Variants in AGAP1 observed in about 807,000 individuals in gnomAD.
The protein encoded by AGAP1 is ArfGAP with GTPase domain, ankyrin repeat and PH domain 1, also known as arf-GAP with GTPase, ANK repeat and PH domain-containing protein 1.
A neutral mutation model predicts 105.3 loss-of-function variants in AGAP1; 29 were observed. The ratio of observed to expected loss-of-function variants is 0.28; its 90% CI spans 0.21 to 0.38. AGAP1 has a LOEUF of 0.38. AGAP1 is among the 10% of genes least tolerant of loss of function. AGAP1 has a pLI of 1.00. For missense variants in AGAP1, 998 were observed against 1,165.1 expected, an observed-to-expected ratio of 0.86 and a Z score of 2.09; for synonymous variants, 509 against 485.9, an observed-to-expected ratio of 1.05 and a Z score of -0.63.
chr2:235,938,166 T>A (rs1314474467), intron 12 of AGAP1, among the ~76,000 whole-genome samples: 1 of 152,204 alleles, frequency 6.6e-6, no homozygotes, highest in African/African-American at 2.4e-5. Flanking sequence ...AACTCACTGC[T>A]TGCCAGGCAC....
At chr2:235,771,517 T>C (rs1462804848) in intron 6 of AGAP1, among the ~76,000 whole-genome samples, 4 of 152,162 alleles carry the variant, frequency 2.6e-5, no homozygotes, top group South Asian at 2.1e-4. Context: ...GACATGCCGG[T>C]CTCTGCCCTG....
chr2:235,758,319 T>C (rs1954108010), intron 6 of AGAP1, among the ~76,000 whole-genome samples: 1 of 152,200 alleles, frequency 6.6e-6, no homozygotes, highest in Non-Finnish European at 1.5e-5. Flanking sequence ...GACTAATAAT[T>C]ATGCAACAAT....
Position 235,805,665 on chromosome 2 carries a change from T to C in AGAP1, c.958-1574T>C, listed in dbSNP as rs186836493. On this transcript the variant is annotated intron_variant, in intron 8 of 17. Coordinates refer to ENST00000304032, the MANE Select transcript of AGAP1 (RefSeq NM_001037131.3). ...ATGTGGAGAAAAGAATTTAAGGCTA[T>C]TGTGTAGCTCTTACTATACAGTATT... Among the ~76,000 whole-genome samples, 970 of 152,350 alleles carry C rather than the reference T, an allele frequency of 6.4e-3. 20 individuals carry two copies. Among genetic ancestry groups the C allele is most frequent in the Admixed American group, 0.039 (596 of 15,306 alleles).
At chr2:236,112,532 G>T (rs1052338762) in intron 16 of AGAP1, among the ~76,000 whole-genome samples, 1 of 152,120 alleles carries the variant, frequency 6.6e-6, no homozygotes, top group Non-Finnish European at 1.5e-5. Flanking sequence ...CTCCTGATCT[G>T]TTCTTCACTC....
At chr2:235,952,194 T>C (rs2053766089) in intron 12 of AGAP1, among the ~76,000 whole-genome samples, 1 of 152,102 alleles carries the variant, frequency 6.6e-6, no homozygotes, top group Non-Finnish European at 1.5e-5. Flanking sequence ...ATATCTAGTT[T>C]TCAAGCAGAG....
At chr2:235,774,231 C>T (rs1170792504) in intron 6 of AGAP1, 2 of 411,838 alleles carry the variant, frequency 4.9e-6, no homozygotes, top group South Asian at 3.7e-5. Context: ...TAAAAATGCA[C>T]ATCTGGAAAA....
intron 9 of AGAP1, among the ~76,000 whole-genome samples, chr2:235,822,980 T>C (rs952608): frequency 0.29 from 43,970 of 152,010 alleles, 6,646 homozygotes; most frequent in Admixed American, 0.42. Flanking sequence ...GTGATCCAGG[T>C]GTGGCTCGCT....
At chr2:235,624,451 T>C (rs769886668) in intron 1 of AGAP1, among the ~76,000 whole-genome samples, 25 of 152,204 alleles carry the variant, frequency 1.6e-4, no homozygotes, top group Non-Finnish European at 3.1e-4. Context: ...TGTCCTTCAG[T>C]GGTTGGAATG....
chr2:235,734,980 G>A lies in AGAP1; in HGVS notation c.311-5983G>A, dbSNP rs62189248. ...GTCATAAGATGGGGTGAGGGCTAAC[G>A]GAGATGATGTGGGAAAACAAGTGCT... On this transcript the variant is annotated intron_variant, in intron 3 of 17. Transcript: ENST00000304032. This position sits in a 1 kb window ranked among gnomAD's most constrained non-coding sequence, Gnocchi z 5.3. 0.082 allele frequency among the ~76,000 whole-genome samples: 8,089 copies of A among 99,166 alleles called. 101 individuals are homozygous for A. The highest frequency in any genetic ancestry group is 0.12 in the Non-Finnish European group (4,687 of 38,372). 65.1% of individuals were successfully genotyped at this position (99,166 alleles called of 152,430 possible). A position where few individuals can be genotyped will look rare whatever the true frequency, so the allele number is the denominator to read the frequency against.
At chr2:235,892,304 C>G in intron 10 of AGAP1, among the ~76,000 whole-genome samples, 1 of 152,222 alleles carries the variant, frequency 6.6e-6, no homozygotes, top group East Asian at 1.9e-4. Flanking sequence ...AGCTTTTCTT[C>G]TTTTCATTAC....
chr2:236,116,576 T>G (rs922488464), intron 16 of AGAP1, among the ~76,000 whole-genome samples: 6 of 152,040 alleles, frequency 3.9e-5, no homozygotes, highest in African/African-American at 1.4e-4. Flanking sequence ...CTCAAACTCC[T>G]GACCTCAAGA....
chr2:235,697,754 G>A (rs1458322428), intron 1 of AGAP1, among the ~76,000 whole-genome samples: 3 of 152,196 alleles, frequency 2.0e-5, no homozygotes, highest in Non-Finnish European at 4.4e-5. Context: ...CAGTATGACT[G>A]ACTGAGTTTA....
In AGAP1 at chr2:235,494,734, G is replaced by C. The variant is rs1941233571; in HGVS notation, c.48G>C (p.Glu16Asp). ...QLANSAAIRA[E>D]IQRFESVHPN... ...CCAACTCGGCTGCCATCCGGGCCGAGATCCAGCGCTTCGAGTCGGTCCACC... is the reference window on the plus strand; with the variant it reads ...CCAACTCGGCTGCCATCCGGGCCGACATCCAGCGCTTCGAGTCGGTCCACC... The change falls in exon 1 of 18, where the codon GAG becomes GAC. Residue 16 changes from glutamate to aspartate, a missense_variant. Glu to Asp is a conservative substitution (Grantham distance 45). Transcript: ENST00000304032. 6.4e-7 allele frequency: 1 copy of C among 1,567,824 alleles called. No individual in the cohort carries two copies. Among genetic ancestry groups the C allele is most frequent in the Non-Finnish European group, 8.6e-7 (1 of 1,157,182 alleles).
At chr2:235,938,744 G>A (rs142721005) in intron 12 of AGAP1, among the ~76,000 whole-genome samples, 5 of 152,210 alleles carry the variant, frequency 3.3e-5, no homozygotes, top group South Asian at 2.1e-4. Context: ...GAAAGACATC[G>A]GCACACTGGG....
At chr2:235,968,090 C>T (rs565731497) in intron 12 of AGAP1, among the ~76,000 whole-genome samples, 52 of 152,246 alleles carry the variant, frequency 3.4e-4, no homozygotes, top group African/African-American at 1.2e-3. Context: ...TTAAATGCAT[C>T]GTTTTCATTT....
chr2:235,605,136 C>T (rs773057688), intron 1 of AGAP1, among the ~76,000 whole-genome samples: 2 of 152,186 alleles, frequency 1.3e-5, no homozygotes, highest in South Asian at 4.1e-4. Flanking sequence ...CCTCTGCCTC[C>T]GAAAGTGCTG....
rs2050121382 is a variant in AGAP1, at chr2:235,883,299, T to G, written c.1051-46T>G. Reference sequence around the variant, plus strand: ...TTGCCTGTGTACCTGCCTTTTCTTTTTTTTATTTACATTAGAATTTCTATT... The same window carrying G: ...TTGCCTGTGTACCTGCCTTTTCTTTGTTTTATTTACATTAGAATTTCTATT... On this transcript the variant is annotated intron_variant, in intron 9 of 17. Transcript: ENST00000304032. This position sits in a 1 kb window ranked among gnomAD's most constrained non-coding sequence, Gnocchi z 4.5. The G allele has an allele frequency of 1.9e-6, 3 of 1,576,900 alleles. No homozygotes were observed. Among genetic ancestry groups the G allele is most frequent in the Non-Finnish European group, 2.6e-6 (3 of 1,149,380 alleles).
chr2:235,849,698 CA>C (rs949703355), intron 9 of AGAP1, among the ~76,000 whole-genome samples: 2 of 152,196 alleles, frequency 1.3e-5, no homozygotes, highest in Non-Finnish European at 2.9e-5. Flanking sequence ...CAGCCTCACC[CA>C]GCCCCTCGCC....
chr2:235,678,393 G>A (rs575062876), intron 1 of AGAP1, among the ~76,000 whole-genome samples: 1 of 152,210 alleles, frequency 6.6e-6, no homozygotes, highest in African/African-American at 2.4e-5. Flanking sequence ...AGTGTCTAGC[G>A]CTGGTTAAGG....
Sources: allele counts gnomAD v4.1 joint callset (sites outside exome capture counted in the v4.1 genomes callset), GRCh38; gene constraint gnomAD v4.1.1; non-coding constraint Gnocchi (gnomAD v3.1); transcripts MANE v1.5; gene names NCBI Gene and HGNC (gene_info 2026-07-23, HGNC 2026-07-21).